AOC2: variants seen among roughly 807,000 people sequenced by gnomAD.
AOC2 encodes the protein amine oxidase [copper-containing] 2.
AOC2 carries 57 observed loss-of-function variants against 53.8 expected under a neutral mutation model. The ratio of observed to expected loss-of-function variants is 1.06; its 90% CI spans 0.86 to 1.32. The LOEUF (loss-of-function observed/expected upper bound fraction) is 1.32. Ranked by LOEUF, AOC2 falls within the 40% of genes most tolerant of loss-of-function variation. The pLI, the probability that AOC2 is intolerant of heterozygous loss-of-function variation, is 0.00. For synonymous variants in AOC2, 404 were observed against 399.0 expected (o/e 1.01, Z -0.15); for missense variants, 1,008 against 957.2 (o/e 1.05, Z -0.70).
At position 42,845,521 on chromosome 17, in the gene AOC2, C is replaced by T. The variant is rs746318199; in HGVS notation, c.895C>T (p.Arg299Trp). The T allele has an allele frequency of 5.5e-5, 89 of 1,614,052 alleles. No individual in the cohort carries two copies. Among genetic ancestry groups the T allele is most frequent in the Middle Eastern group, 1.6e-4 (1 of 6,084 alleles). The change falls in exon 1 of 4, where the codon CGG (arginine) becomes TGG (tryptophan). Residue 299 changes from arginine to tryptophan, a missense_variant. Physicochemically the swap from Arg to Trp is moderately radical, Grantham distance 101. Coordinates refer to ENST00000253799, the MANE Select transcript of AOC2 (RefSeq NM_009590.4). ...PPNGASSLRSRNSPGPLPPLQ... is the reference protein window; with the variant it reads ...PPNGASSLRSWNSPGPLPPLQ... ...AAATGGAGCTTCATCCCTGAGGTCT[C>T]GGAACTCTCCAGGTCCTCTTCCCCC...
Position 42,850,613 on chromosome 17 carries a change from A to T in AOC2, c.*265A>T, listed in dbSNP as rs540992650. 9 of 371,284 alleles carry T rather than the reference A, an allele frequency of 2.4e-5. No homozygotes were observed. The highest frequency in any genetic ancestry group is 1.5e-4 in the African/African-American group (7 of 48,186). 23.0% of individuals were successfully genotyped at this position (371,284 alleles called of 1,614,324 possible). On this transcript the variant is annotated 3_prime_UTR_variant, in exon 4 of 4. Coordinates refer to ENST00000253799, the MANE Select transcript of AOC2 (RefSeq NM_009590.4). ...GAAATAGGTGGTCACATTACATCAG[A>T]CATCTCTTTATGCATGTGCATTCAA... is the stretch of plus-strand genomic sequence containing the variant.
Position 42,845,645 on chromosome 17 carries a change from GC to G in AOC2, c.1021del (p.Leu341Ter), listed in dbSNP as rs1420017924. On this transcript the variant is annotated frameshift_variant, in exon 1 of 4. Coordinates refer to ENST00000253799, the MANE Select transcript of AOC2 (RefSeq NM_009590.4). LOFTEE classifies it high-confidence loss of function. The part of the protein sequence containing the change: ...SFTFGHGVFS[G>X]LRIFDVRFQG... ...ACCTTTGGCCATGGGGTGTTCAGCGGCCTGAGGATTTTTGATGTTCGGTTCC... is the reference window on the plus strand; with the variant it reads ...ACCTTTGGCCATGGGGTGTTCAGCGGCTGAGGATTTTTGATGTTCGGTTCC... The G allele has an allele frequency of 3.7e-6, 6 of 1,614,068 alleles. No homozygotes were observed. The Admixed American group carries it at 5.0e-5, about 13-fold the overall frequency.
chr17:42,844,704 C>T lies in AOC2; in HGVS notation c.78C>T (p.Thr26=), dbSNP rs749368132. 6.2e-7 allele frequency: 1 copy of T among 1,614,200 alleles called. No homozygotes were observed. Residue 26 remains threonine, a synonymous_variant, in exon 1 of 4, where the codon ACC becomes ACT. Coordinates refer to ENST00000253799, the MANE Select transcript of AOC2 (RefSeq NM_009590.4). ...TTGCCCTGGCCTATGTTTTGCTGAC[C>T]AGCCCAGGTGGTTCCAGCCAGCCTC... ...TIFALAYVLL[T]SPGGSSQPPH...
Position 42,846,340 on chromosome 17 carries a change from A to G in AOC2, c.1588+126A>G, listed in dbSNP as rs1399750937. The G allele has an allele frequency of 5.6e-6, 6 of 1,063,350 alleles. No homozygotes were observed. In the African/African-American group the frequency reaches 6.4e-5, roughly 11 times the overall value. The allele number at this position is 1,063,350 out of a possible 1,614,324, so 65.9% of individuals were successfully genotyped here. ...CAAGAGCAGGGTGTTCCAACACCAC[A>G]GCTCTAGTGGCAACAGGGCAGGGAC... is the stretch of plus-strand genomic sequence containing the variant. On this transcript the variant is annotated intron_variant, in intron 1 of 3. Coordinates refer to ENST00000253799, the MANE Select transcript of AOC2 (RefSeq NM_009590.4).
rs1278220964 is a variant in AOC2, at chr17:42,849,679, A to G, written c.1953A>G (p.Thr651=). 6.2e-7 allele frequency: 1 copy of G among 1,614,218 alleles called. No homozygotes were observed. Among genetic ancestry groups the G allele is most frequent in the South Asian group, 1.1e-5 (1 of 91,090 alleles). Residue 651 remains threonine (T), a synonymous_variant, in exon 3 of 4, where the codon ACA becomes ACG. Coordinates refer to ENST00000253799, the MANE Select transcript of AOC2 (RefSeq NM_009590.4). ...TCTATCACCAGAATGACATCTGGAC[A>G]CCCACAGTTACCTTTGCTGACTTCA... ...SSIYHQNDIW[T]PTVTFADFIN...
rs2144273196 is a variant in AOC2, at chr17:42,846,042, G to C, written c.1416G>C (p.Val472=). Residue 472 remains valine, a synonymous_variant, in exon 1 of 4, where the codon GTG becomes GTC. Coordinates refer to ENST00000253799, the MANE Select transcript of AOC2 (RefSeq NM_009590.4). Reference sequence around the variant, plus strand: ...ACTATGACTACATTTGGGACTTTGTGTTGTACCCAAATGGGGCACTTGAAG... The same window carrying C: ...ACTATGACTACATTTGGGACTTTGTCTTGTACCCAAATGGGGCACTTGAAG... ...VGNYDYIWDF[V]LYPNGALEGR... 6.2e-7 allele frequency: 1 copy of C among 1,611,682 alleles called. No homozygotes were observed. Among genetic ancestry groups the C allele is most frequent in the East Asian group, 2.2e-5 (1 of 44,818 alleles).
chr17:42,849,444 C>T (rs2055628959), intron 2 of AOC2, 73 bp downstream of exon 2: 5 of 1,578,484 alleles, frequency 3.2e-6, no homozygotes, highest in Middle Eastern at 1.8e-4. Context: ...AGACAAACTC[C>T]CTTCCCACGG....
Position 42,844,683 on chromosome 17 carries a change from C to T in AOC2, c.57C>T (p.Ala19=). 1 of 1,614,192 alleles carries T rather than the reference C, an allele frequency of 6.2e-7. No homozygotes were observed. ...FLALSLITIF[A]LAYVLLTSPG... is the part of the protein sequence containing the mutation. ...CACTGTCCCTCATTACCATCTTTGC[C>T]CTGGCCTATGTTTTGCTGACCAGCC... Residue 19 remains alanine (A), a synonymous_variant, in exon 1 of 4, where the codon GCC becomes GCT. Coordinates refer to ENST00000253799, the MANE Select transcript of AOC2 (RefSeq NM_009590.4).
At chr17:42,848,968 T>G in intron 1 of AOC2, 118 bp from the exon 2 acceptor site, 4 of 1,122,876 alleles carry the variant, frequency 3.6e-6, no homozygotes, top group Non-Finnish European at 5.0e-6. Context: ...CACAGTGTGC[T>G]CTGATGCTCT....
In AOC2 at chr17:42,850,146, CAG is replaced by C. The variant is rs771131465; in HGVS notation, c.2070_2071del (p.Val691AspfsTer14). The C allele has an allele frequency of 1.7e-4, 278 of 1,614,094 alleles. No homozygotes were observed. The highest frequency in any genetic ancestry group is 1.5e-4 in the Non-Finnish European group (180 of 1,180,054). On this transcript the variant is annotated frameshift_variant, in exon 4 of 4. Transcript: ENST00000253799. LOFTEE classifies it high-confidence loss of function. ...CCCCATGCCGAGGACATCCCAAACA[CAG>C]TGACTCTGGGGAACAGAGTTGGCTT...
In AOC2 at chr17:42,846,185, T is replaced by G; in HGVS notation, c.1559T>G (p.Phe520Cys). 6.6e-7 allele frequency: 1 copy of G among 1,522,250 alleles called. No homozygotes were observed. The highest frequency in any genetic ancestry group is 1.3e-5 in the South Asian group (1 of 76,612). The allele number at this position is 1,522,250 out of a possible 1,614,324, so 94.3% of individuals were successfully genotyped here. A position where few individuals can be genotyped will look rare whatever the true frequency, so the allele number is the denominator to read the frequency against. Reference protein sequence around the residue: ...RVLGTVHTHAFHFKLDLDVAG... With the variant: ...RVLGTVHTHACHFKLDLDVAG... ...CTGGGAACGGTGCACACACATGCCTTCCACTTCAAGCTGGACCTGGATGTG... is the reference window on the plus strand; with the variant it reads ...CTGGGAACGGTGCACACACATGCCTGCCACTTCAAGCTGGACCTGGATGTG... Residue 520 changes from phenylalanine to cysteine, a missense_variant, in exon 1 of 4, where the codon TTC (phenylalanine) becomes TGC (cysteine). Phe to Cys is a radical substitution (Grantham distance 205). Coordinates refer to ENST00000253799, the MANE Select transcript of AOC2 (RefSeq NM_009590.4).
chr17:42,845,206 A>G lies in AOC2; in HGVS notation c.580A>G (p.Thr194Ala). ...CAAGGCACCCATCTTCCTGTCGTCC[A>G]CCTTCAACTACAATGGCTCTACCCT... ...LPKAPIFLSSTFNYNGSTLAA... is the reference protein window; with the variant it reads ...LPKAPIFLSSAFNYNGSTLAA... The change falls in exon 1 of 4, where the codon ACC becomes GCC. Residue 194 changes from threonine to alanine, a missense_variant. Thr to Ala is a moderately conservative substitution (Grantham distance 58). Coordinates refer to ENST00000253799, the MANE Select transcript of AOC2 (RefSeq NM_009590.4). 6.2e-7 allele frequency: 1 copy of G among 1,613,914 alleles called. No individual in the cohort carries two copies. The highest frequency in any genetic ancestry group is 2.2e-5 in the East Asian group (1 of 44,882).
At position 42,844,749 on chromosome 17, in the gene AOC2, C is replaced by T. The variant is rs759055178; in HGVS notation, c.123C>T (p.Ser41=). The T allele has an allele frequency of 1.9e-6, 3 of 1,614,102 alleles. No individual in the cohort carries two copies. In the South Asian group the frequency reaches 3.3e-5, roughly 18 times the overall value. ...AGCCTCCCCACTGCCCCTCTGTATCCCATAGGGCCCAGCCCTGGCCACACC... is the reference window on the plus strand; with the variant it reads ...AGCCTCCCCACTGCCCCTCTGTATCTCATAGGGCCCAGCCCTGGCCACACC... ...SSQPPHCPSV[S]HRAQPWPHPG... The change falls in exon 1 of 4, where the codon TCC becomes TCT. Residue 41 remains serine, a synonymous_variant. Transcript: ENST00000253799.
rs749781433 is a variant in AOC2, at chr17:42,849,579, CCTT to C, written c.1875-18_1875-16del. ...AGGCACTTGACATTTCCCAAAACCA[CCTT>C]CTTATGATTCCTGGCCAGATACCAG... On this transcript the variant is annotated intron_variant, in intron 2 of 3. Coordinates refer to ENST00000253799, the MANE Select transcript of AOC2 (RefSeq NM_009590.4). The C allele has an allele frequency of 1.2e-5, 19 of 1,614,080 alleles. No individual in the cohort carries two copies. The highest frequency in any genetic ancestry group is 2.7e-5 in the African/African-American group (2 of 74,918).
rs187107954 is a variant in AOC2 at position 42,850,560 on chromosome 17, A to G, written c.*212A>G. 5.9e-6 allele frequency: 3 copies of G among 506,722 alleles called. No homozygotes were observed. 31.4% of individuals were successfully genotyped at this position (506,722 alleles called of 1,614,324 possible). On this transcript the variant is annotated 3_prime_UTR_variant, in exon 4 of 4. Transcript: ENST00000253799. ...ATAAAAATGATTTTTAAATATTCAAAGAAAAATATCACAAATCCTACTACT... is the reference window on the plus strand; with the variant it reads ...ATAAAAATGATTTTTAAATATTCAAGGAAAAATATCACAAATCCTACTACT...
chr17:42,845,491 C>T lies in AOC2; in HGVS notation c.865C>T (p.Pro289Ser), dbSNP rs1006238544. ...GGAAGTGGTTAGAGTCCCTCTACCT[C>T]CACCAAATGGAGCTTCATCCCTGAG... The part of the protein sequence containing the change: ...RLEVVRVPLP[P>S]PNGASSLRSR... The change falls in exon 1 of 4, where the codon CCA becomes TCA. Residue 289 changes from proline (P) to serine (S), a missense_variant. Transcript: ENST00000253799. The T allele has an allele frequency of 2.2e-5, 36 of 1,614,052 alleles. No homozygotes were observed. The highest frequency in any genetic ancestry group is 3.3e-5 in the Admixed American group (2 of 59,998).
Position 42,845,512 on chromosome 17 carries a change from C to T in AOC2, c.886C>T (p.Leu296=), listed in dbSNP as rs758783666. Residue 296 remains leucine (L), a synonymous_variant, in exon 1 of 4, where the codon CTG becomes TTG. Coordinates refer to ENST00000253799, the MANE Select transcript of AOC2 (RefSeq NM_009590.4). ...PLPPPNGASS[L]RSRNSPGPLP... ...ACCTCCACCAAATGGAGCTTCATCC[C>T]TGAGGTCTCGGAACTCTCCAGGTCC... The T allele has an allele frequency of 6.2e-7, 1 of 1,614,188 alleles. No homozygotes were observed. Among genetic ancestry groups the T allele is most frequent in the Non-Finnish European group, 8.5e-7 (1 of 1,180,032 alleles).
chr17:42,849,078 C>G lies in AOC2; in HGVS notation c.1589-8C>G, dbSNP rs750530050. The G allele has an allele frequency of 1.2e-6, 2 of 1,604,308 alleles. No homozygotes were observed. Among genetic ancestry groups the G allele is most frequent in the South Asian group, 2.2e-5 (2 of 90,406 alleles). Reference sequence around the variant, plus strand: ...GTGGAACTCATCTCCTTTCCCTCCCCCTGGCAGGGCTGAAAAACTGGGTGG... The same window carrying G: ...GTGGAACTCATCTCCTTTCCCTCCCGCTGGCAGGGCTGAAAAACTGGGTGG... On this transcript the variant is annotated splice_polypyrimidine_tract_variant and splice_region_variant and intron_variant, in intron 1 of 3. Coordinates refer to ENST00000253799, the MANE Select transcript of AOC2 (RefSeq NM_009590.4).
At chr17:42,848,524 A>AATATATATATACATATATATATATATAT (rs1567686432) in intron 1 of AOC2, among the ~76,000 whole-genome samples, 2 of 131,288 alleles carry the variant, frequency 1.5e-5, no homozygotes, top group African/African-American at 6.6e-5. Context: ...AGAGGAACTG[A>AATATATATATACATATATATATATATAT]ATATATATAT....
Sources: gnomAD v4.1 joint callset for allele counts (sites outside exome capture counted in the v4.1 genomes callset) on GRCh38, gnomAD v4.1.1 for gene constraint, MANE v1.5 for transcripts, NCBI Gene and HGNC (gene_info 2026-07-23, HGNC 2026-07-21) for gene names.